Variants in KAT6B observed in about 807,000 individuals in gnomAD.
KAT6B encodes the protein lysine acetyltransferase 6B, also known as histone acetyltransferase KAT6B.
In KAT6B, 10 loss-of-function variants were observed where a neutral mutation model predicts 187.5. The observed-to-expected ratio is 0.05, with a 90% CI of 0.03 to 0.09. The LOEUF (loss-of-function observed/expected upper bound fraction) is 0.09. Ranked by LOEUF, KAT6B falls within the 10% of genes least tolerant of loss-of-function variation. The pLI, the probability that KAT6B is intolerant of heterozygous loss-of-function variation, is 1.00. For synonymous variants in KAT6B, 861 were observed against 926.8 expected, an observed-to-expected ratio of 0.93 and a Z score of 1.29; for missense variants, 1,952 against 2,558.9, an observed-to-expected ratio of 0.76 and a Z score of 5.12.
At chr10:74,851,366 G>A (rs1373471545) in intron 3 of KAT6B, among the ~76,000 whole-genome samples, 1 of 134,742 alleles carries the variant, frequency 7.4e-6, no homozygotes, top group Non-Finnish European at 1.6e-5. Flanking sequence ...ATGGAGTCTT[G>A]CTATGTTGCC....
At chr10:74,896,913 A>G (rs1846030568) in intron 3 of KAT6B, among the ~76,000 whole-genome samples, 1 of 152,212 alleles carries the variant, frequency 6.6e-6, no homozygotes. Context: ...ATCAGCATTG[A>G]ACCAAAGTAT....
intron 3 of KAT6B, among the ~76,000 whole-genome samples, chr10:74,951,959 G>A (rs1264813336): frequency 6.6e-6 from 1 of 152,194 alleles, no homozygotes; most frequent in Non-Finnish European, 1.5e-5. Context: ...GCAATGAACA[G>A]TCTCTGCCAT....
intron 3 of KAT6B, among the ~76,000 whole-genome samples, chr10:74,852,361 A>G (rs1410909085): frequency 6.6e-6 from 1 of 152,268 alleles, no homozygotes; most frequent in Non-Finnish European, 1.5e-5. Flanking sequence ...AAAGTCAGAC[A>G]GAAACCTATT....
At chr10:74,905,464 C>T (rs2132826597) in intron 3 of KAT6B, among the ~76,000 whole-genome samples, 1 of 152,308 alleles carries the variant, frequency 6.6e-6, no homozygotes. Flanking sequence ...TGCCTCTCAG[C>T]TGAACCCAAC....
chr10:74,958,450 C>T (rs1280336005), intron 3 of KAT6B, among the ~76,000 whole-genome samples: 1 of 152,002 alleles, frequency 6.6e-6, no homozygotes, highest in Non-Finnish European at 1.5e-5. Flanking sequence ...TCATGAGATT[C>T]AAATATAGAG....
At chr10:74,847,272 A>G (rs1701246819) in intron 3 of KAT6B, among the ~76,000 whole-genome samples, 1 of 152,268 alleles carries the variant, frequency 6.6e-6, no homozygotes, top group Non-Finnish European at 1.5e-5. Flanking sequence ...TTTGGAGACT[A>G]ATTCTATTAA....
intron 3 of KAT6B, among the ~76,000 whole-genome samples, chr10:74,873,017 T>C: frequency 6.6e-6 from 1 of 152,174 alleles, no homozygotes; most frequent in East Asian, 1.9e-4. Context: ...ACCTTGTTCT[T>C]AAGCGGGGTG....
chr10:74,876,767 G>A (rs1844442420), intron 3 of KAT6B, among the ~76,000 whole-genome samples: 1 of 151,684 alleles, frequency 6.6e-6, no homozygotes, highest in South Asian at 2.1e-4. Context: ...TACAAAATTA[G>A]CTGGGCATGG....
At chr10:74,909,441 G>A (rs1354113411) in intron 3 of KAT6B, among the ~76,000 whole-genome samples, 1 of 152,210 alleles carries the variant, frequency 6.6e-6, no homozygotes, top group East Asian at 1.9e-4. Context: ...TTACCCTTGT[G>A]TATACAGAAA....
rs138998564 is a variant in KAT6B at position 74,883,642 on chromosome 10, G to C, written c.621+40164G>C. ...TCATAAGAGCTAGTGAATGGTCTTGGGTAATTAAAGCTCACTTTATGATTA... is the reference window on the plus strand; with the variant it reads ...TCATAAGAGCTAGTGAATGGTCTTGCGTAATTAAAGCTCACTTTATGATTA... On this transcript the variant is annotated intron_variant, in intron 3 of 17. Coordinates refer to ENST00000287239, the MANE Select transcript of KAT6B (RefSeq NM_012330.4). 4.7e-3 allele frequency among the ~76,000 whole-genome samples: 710 copies of C among 152,238 alleles called. 3 individuals are homozygous for C. The highest frequency in any genetic ancestry group is 9.9e-3 in the Admixed American group (151 of 15,290).
chr10:74,870,667 C>T (rs1021906559), intron 3 of KAT6B, among the ~76,000 whole-genome samples: 2 of 152,126 alleles, frequency 1.3e-5, no homozygotes, highest in African/African-American at 2.4e-5. Flanking sequence ...CAGCCTCCGC[C>T]TCCTGGGTTC....
intron 3 of KAT6B, among the ~76,000 whole-genome samples, chr10:74,879,966 G>A (rs530808436): frequency 1.3e-5 from 2 of 152,172 alleles, no homozygotes; most frequent in East Asian, 1.9e-4. Context: ...ATGGTGACAG[G>A]CACCTATAGC....
intron 3 of KAT6B, among the ~76,000 whole-genome samples, chr10:74,954,639 G>A (rs770253799): frequency 3.3e-5 from 5 of 152,168 alleles, no homozygotes; most frequent in Non-Finnish European, 7.3e-5. Flanking sequence ...GTCTTTTAAA[G>A]CTAAGTAGCC....
Position 75,020,576 on chromosome 10 carries a change from C to T in KAT6B, c.2630-6C>T, listed in dbSNP as rs765921395. The stretch of plus-strand genomic sequence containing the variant: ...GAGGAATGCCCATTTATTTTTTCTG[C>T]CCTAGGCTATTTGCTTTCTAGAAGA... On this transcript the variant is annotated splice_polypyrimidine_tract_variant and splice_region_variant and intron_variant, in intron 13 of 17. Transcript: ENST00000287239. The T allele has an allele frequency of 1.2e-6, 2 of 1,608,074 alleles. No individual in the cohort carries two copies. The highest frequency in any genetic ancestry group is 1.3e-5 in the African/African-American group (1 of 74,924).
At chr10:74,903,320 A>C (rs1464451234) in intron 3 of KAT6B, among the ~76,000 whole-genome samples, 2 of 152,160 alleles carry the variant, frequency 1.3e-5, no homozygotes, top group East Asian at 3.8e-4. Flanking sequence ...TGATTCTACT[A>C]CCTTGCTTGG....
chr10:75,029,103 G>T lies in KAT6B; in HGVS notation c.4279G>T (p.Asp1427Tyr), dbSNP rs533156310. The T allele has an allele frequency of 4.3e-6, 7 of 1,614,172 alleles. No homozygotes were observed. Among genetic ancestry groups the T allele is most frequent in the Admixed American group, 3.3e-5 (2 of 60,024 alleles). Reference protein sequence around the residue: ...EPSHNEDHDADDEDDSHMESA... With the variant: ...EPSHNEDHDAYDEDDSHMESA... ...ATCCCACAACGAGGACCATGATGCC[G>T]ATGACGAGGATGACAGCCACATGGA... Residue 1427 changes from aspartate (D) to tyrosine (Y), a missense_variant, in exon 18 of 18, where the codon GAT becomes TAT. Physicochemically the swap from Asp to Tyr is radical, Grantham distance 160. Transcript: ENST00000287239. This position sits in a 1 kb window ranked among gnomAD's most constrained non-coding sequence, Gnocchi z 6.2.
intron 8 of KAT6B, 61 bp from the exon 9 acceptor site, chr10:74,977,255 A>G (rs1393924827): frequency 1.3e-6 from 2 of 1,591,186 alleles, no homozygotes; most frequent in Non-Finnish European, 1.7e-6. Context: ...TTTTGGTAAT[A>G]TATGGTGGTT....
intron 4 of KAT6B, among the ~76,000 whole-genome samples, chr10:74,964,066 G>C (rs992841857): frequency 6.6e-6 from 1 of 152,206 alleles, no homozygotes; most frequent in African/African-American, 2.4e-5. Context: ...GGGAGGCGGA[G>C]GTTGAGGTGA....
At position 74,887,840 on chromosome 10, in the gene KAT6B, CA is replaced by C. The variant is rs111705400; in HGVS notation, c.621+44374del. On this transcript the variant is annotated intron_variant, in intron 3 of 17. Coordinates refer to ENST00000287239, the MANE Select transcript of KAT6B (RefSeq NM_012330.4). ...TGGGCAACATAGCAAGACCCCACCTCAAAAAAAAAAAAGGTAGTTTGGTGTG... is the reference window on the plus strand; with the variant it reads ...TGGGCAACATAGCAAGACCCCACCTCAAAAAAAAAAAGGTAGTTTGGTGTG... Among the ~76,000 whole-genome samples the C allele has an allele frequency of 8.2e-3, 1,158 of 140,914 alleles. 38 individuals carry two copies. The highest frequency in any genetic ancestry group is 0.063 in the Admixed American group (903 of 14,228). The allele number at this position is 140,914 out of a possible 152,430, so 92.4% of individuals were successfully genotyped here.
Sources: allele counts gnomAD v4.1 joint callset (sites outside exome capture counted in the v4.1 genomes callset), GRCh38; gene constraint gnomAD v4.1.1; non-coding constraint Gnocchi (gnomAD v3.1); transcripts MANE v1.5; gene names NCBI Gene and HGNC (gene_info 2026-07-23, HGNC 2026-07-21).